Variants in ARAP3 observed in about 807,000 individuals in gnomAD.
ARAP3 encodes the protein ArfGAP with RhoGAP domain, ankyrin repeat and PH domain 3, also known as arf-GAP with Rho-GAP domain, ANK repeat and PH domain-containing protein 3.
Under a neutral mutation model 169.2 loss-of-function variants are expected in ARAP3, and 82 were observed. That is an observed-to-expected ratio of 0.48 (90% CI 0.41 to 0.58). ARAP3 has a LOEUF of 0.58. ARAP3 is among the 20% of genes least tolerant of loss of function. The probability of loss-of-function intolerance (pLI) is 0.00; values close to 1 mark genes in which losing one functional copy is unlikely to be tolerated. For missense variants in ARAP3, 1,764 were observed against 2,018.0 expected, an observed-to-expected ratio of 0.87 and a Z score of 2.41; for synonymous variants, 791 against 800.3, an observed-to-expected ratio of 0.99 and a Z score of 0.20.
At position 141,670,557 on chromosome 5, in the gene ARAP3, C is replaced by T. The variant is rs748326596; in HGVS notation, c.2062G>A (p.Val688Ile). Reference sequence around the variant, plus strand: ...GGTGAGGGTCCAGCTTTGTTGCTGACGGGACTGCAGTACAGGAAGCCGCTG... The same window carrying T: ...GGTGAGGGTCCAGCTTTGTTGCTGATGGGACTGCAGTACAGGAAGCCGCTG... ...TYSGFLYCSPVSNKAGPSPPR... is the reference protein window; with the variant it reads ...TYSGFLYCSPISNKAGPSPPR... The change falls in exon 14 of 33, where the codon GTC (valine) becomes ATC (isoleucine). Residue 688 changes from valine to isoleucine, a missense_variant. Around this residue, in one of 3 missense-constraint regions of ARAP3, gnomAD observed 1,112 missense variants for 1,285.7 expected, o/e 0.86. Coordinates refer to ENST00000239440, the MANE Select transcript of ARAP3 (RefSeq NM_022481.6). 1.3e-5 allele frequency: 21 copies of T among 1,613,906 alleles called. No homozygotes were observed. The highest frequency in any genetic ancestry group is 1.6e-4 in the Middle Eastern group (1 of 6,082).
At chr5:141,656,429 G>A (rs1288420726) in intron 27 of ARAP3, 75 bp downstream of exon 27, 3 of 1,580,872 alleles carry the variant, frequency 1.9e-6, no homozygotes, top group Non-Finnish European at 2.6e-6. Flanking sequence ...GGGCTGTGGA[G>A]TCAGAGGGTG....
chr5:141,657,007 G>C (rs1402788988), intron 25 of ARAP3, among the ~76,000 whole-genome samples, 161 bp from the exon 26 acceptor site: 3 of 152,178 alleles, frequency 2.0e-5, no homozygotes, highest in Non-Finnish European at 4.4e-5. Flanking sequence ...ATACGGTGGT[G>C]AGCATGATAC....
At chr5:141,654,560 G>T (rs1454798462) in intron 32 of ARAP3, 125 bp from the exon 33 acceptor site, 3 of 1,347,946 alleles carry the variant, frequency 2.2e-6, no homozygotes, top group Non-Finnish European at 3.0e-6. Context: ...TATGATTCTG[G>T]AACAACCCTG....
rs1286186002 is a variant in ARAP3 at position 141,667,431 on chromosome 5, CTTTCTTTTTTTTTTTTTTTGAAATGGAGT to C, written c.2353-817_2353-789del. ...CTGTCACTAACCAATAGTGTACTTT[CTTTCTTTTTTTTTTTTTTTGAAATGGAGT>C]TTTGCTCTTCTCTCCCAGGGTGGAG... is the stretch of plus-strand genomic sequence containing the variant. On this transcript the variant is annotated intron_variant, in intron 16 of 32. Coordinates refer to ENST00000239440, the MANE Select transcript of ARAP3 (RefSeq NM_022481.6). Among the ~76,000 whole-genome samples the C allele has an allele frequency of 1.0e-4, 15 of 144,626 alleles. No individual in the cohort carries two copies. The Admixed American group carries it at 1.1e-3, about 11-fold the overall frequency. The allele number at this position is 144,626 out of a possible 152,430, so 94.9% of individuals were successfully genotyped here.
chr5:141,674,178 G>A (rs2099911845), intron 4 of ARAP3, among the ~76,000 whole-genome samples: 1 of 152,046 alleles, frequency 6.6e-6, no homozygotes, highest in Non-Finnish European at 1.5e-5. Flanking sequence ...GGTCAGGCTG[G>A]TCTCGAACTC....
intron 17 of ARAP3, among the ~76,000 whole-genome samples, chr5:141,665,939 G>C (rs749856862): frequency 4.6e-5 from 7 of 151,014 alleles, no homozygotes; most frequent in Non-Finnish European, 8.8e-5. Flanking sequence ...GCTGAGGCAG[G>C]AGAATTGCTT....
chr5:141,680,845 A>C (rs1562431212), intron 1 of ARAP3: 1 of 288,378 alleles, frequency 3.5e-6, no homozygotes, highest in South Asian at 5.9e-5. Context: ...CAACTGAGTA[A>C]GCATGGGACA....
intron 27 of ARAP3, 61 bp downstream of exon 27, chr5:141,656,443 G>C: frequency 6.3e-7 from 1 of 1,586,284 alleles, no homozygotes. Context: ...GAGGGTGGGT[G>C]CAGTCATGGC....
chr5:141,657,467 C>T (rs2099909409), intron 25 of ARAP3, among the ~76,000 whole-genome samples: 1 of 152,180 alleles, frequency 6.6e-6, no homozygotes, highest in Non-Finnish European at 1.5e-5. Context: ...AGGGTTTTAA[C>T]CATAGGAAGG....
chr5:141,662,153 G>C lies in ARAP3; in HGVS notation c.2903C>G (p.Pro968Arg), dbSNP rs773702697. 1.9e-6 allele frequency: 3 copies of C among 1,614,060 alleles called. No homozygotes were observed. Among genetic ancestry groups the C allele is most frequent in the Admixed American group, 1.7e-5 (1 of 60,010 alleles). ...GACATCCTCCACAAAGTGCTCCCCT[G>C]GTCGGAGCTTCACCGACCGGGCATC... ...RRDARSVKLR[P>R]GEHFVEDVTD... Residue 968 changes from proline to arginine, a missense_variant, in exon 20 of 33, where the codon CCA (proline) becomes CGA (arginine). Pro to Arg is a moderately radical substitution (Grantham distance 103). This residue lies in a region of ARAP3 where 1,112 missense variants were observed against 1,285.7 expected (regional missense o/e 0.86). Coordinates refer to ENST00000239440, the MANE Select transcript of ARAP3 (RefSeq NM_022481.6).
In ARAP3 at chr5:141,673,733, G is replaced by A. The variant is rs779614351; in HGVS notation, c.774C>T (p.Leu258=). 6.2e-7 allele frequency: 1 copy of A among 1,614,232 alleles called. No homozygotes were observed. The highest frequency in any genetic ancestry group is 2.2e-5 in the East Asian group (1 of 44,876). Residue 258 remains leucine (L), a synonymous_variant, in exon 5 of 33, where the codon CTC becomes CTT. Transcript: ENST00000239440. The stretch of plus-strand genomic sequence containing the variant: ...CCTCTGTTTCCAGGGTGGGCGATAA[G>A]AGGGTGGAGTCTCCAGGTAGCTCAA... The part of the protein sequence containing the change: ...ASLELPGDST[L]LSPTLETEET...
Position 141,679,606 on chromosome 5 carries a change from T to A in ARAP3, c.637A>T (p.Thr213Ser). ...CLYYGVQPVG[T>S]PGAPDRRESR... Reference sequence around the variant, plus strand: ...TCTCTTCTGTCGGGGGCTCCTGGAGTCCCCACAGGTTGGACACCATAGTAC... The same window carrying A: ...TCTCTTCTGTCGGGGGCTCCTGGAGACCCCACAGGTTGGACACCATAGTAC... Residue 213 changes from threonine (T) to serine (S), a missense_variant, in exon 4 of 33, where the codon ACT (threonine) becomes TCT (serine). Thr to Ser is a moderately conservative substitution (Grantham distance 58). Coordinates refer to ENST00000239440, the MANE Select transcript of ARAP3 (RefSeq NM_022481.6). 1.2e-6 allele frequency: 2 copies of A among 1,613,678 alleles called. No individual in the cohort carries two copies. Among genetic ancestry groups the A allele is most frequent in the Non-Finnish European group, 1.7e-6 (2 of 1,179,920 alleles).
chr5:141,673,363 C>T (rs745800060), intron 6 of ARAP3, 38 bp downstream of exon 6: 1 of 1,613,084 alleles, frequency 6.2e-7, no homozygotes, highest in South Asian at 1.1e-5. Context: ...CCCTCCCTCT[C>T]CCTCATCTCC....
chr5:141,670,427 C>G (rs537974064), intron 14 of ARAP3, 85 bp downstream of exon 14: 2 of 1,398,452 alleles, frequency 1.4e-6, no homozygotes, highest in Non-Finnish European at 2.0e-6. Flanking sequence ...CCCATCCCAG[C>G]CCTCTCCTCT....
rs770501346 is a variant in ARAP3 at position 141,672,157 on chromosome 5, G to T, written c.1530C>A (p.Ser510=). ...ANRQCADCGS[S]RPDWAAVNLG... ...AATTGACAGCAGCCCAATCTGGGCG[G>T]GAGGACCCACAGTCCGCACACTGCC... The change falls in exon 10 of 33, where the codon TCC becomes TCA. Residue 510 remains serine (S), a synonymous_variant. Transcript: ENST00000239440. This position sits in a 1 kb window ranked among gnomAD's most constrained non-coding sequence, Gnocchi z 4.9. The T allele has an allele frequency of 1.9e-6, 3 of 1,614,026 alleles. No individual in the cohort carries two copies. In the African/African-American group the frequency reaches 4.0e-5, roughly 22 times the overall value.
Position 141,671,410 on chromosome 5 carries a change from G to T in ARAP3, c.1855-10C>A, listed in dbSNP as rs750350593. 4 of 1,604,576 alleles carry T rather than the reference G, an allele frequency of 2.5e-6. No homozygotes were observed. Among genetic ancestry groups the T allele is most frequent in the Non-Finnish European group, 2.6e-6 (3 of 1,175,002 alleles). On this transcript the variant is annotated splice_polypyrimidine_tract_variant and intron_variant, in intron 12 of 32. Transcript: ENST00000239440. The surrounding 1 kb of genome is among the most constrained non-coding windows in gnomAD (Gnocchi z 4.9). The stretch of plus-strand genomic sequence containing the variant: ...CAGCTGCACACAGTGCCTGCAGGGA[G>T]GGAAGGGCCTCTGTCAGCCCCAAAT...
intron 16 of ARAP3, 48 bp from the exon 17 acceptor site, chr5:141,666,691 C>A: frequency 4.9e-6 from 5 of 1,021,150 alleles, no homozygotes; most frequent in South Asian, 2.4e-5. Flanking sequence ...GGGGAAGAGA[C>A]AAGGAATAGG....
chr5:141,671,612 C>A lies in ARAP3; in HGVS notation c.1812G>T (p.Arg604=). 1 of 1,614,088 alleles carries A rather than the reference C, an allele frequency of 6.2e-7. No individual in the cohort carries two copies. Among genetic ancestry groups the A allele is most frequent in the Non-Finnish European group, 8.5e-7 (1 of 1,179,990 alleles). ...GATCTGGGTACTGAGGGTGGGGCTTCCGGAAGAGACCCAGACGGTACTTTC... is the reference window on the plus strand; with the variant it reads ...GATCTGGGTACTGAGGGTGGGGCTTACGGAAGAGACCCAGACGGTACTTTC... ...ISRKYRLGLF[R]KPHPQYPDHS... The change falls in exon 12 of 33, where the codon CGG becomes CGT. Residue 604 remains arginine, a synonymous_variant. Coordinates refer to ENST00000239440, the MANE Select transcript of ARAP3 (RefSeq NM_022481.6). This position sits in a 1 kb window ranked among gnomAD's most constrained non-coding sequence, Gnocchi z 4.9.
chr5:141,662,042 C>T lies in ARAP3; in HGVS notation c.3013+1G>A. 6.2e-7 allele frequency: 1 copy of T among 1,614,138 alleles called. No homozygotes were observed. The highest frequency in any genetic ancestry group is 2.2e-5 in the East Asian group (1 of 44,880). On this transcript the variant is annotated splice_donor_variant, in intron 20 of 32. Coordinates refer to ENST00000239440, the MANE Select transcript of ARAP3 (RefSeq NM_022481.6). LOFTEE classifies it high-confidence loss of function. The stretch of plus-strand genomic sequence containing the variant: ...TTGGCTCTCAGGGATCTTAGGAATA[C>T]CAGCAGCCTCCCTCCAGCGAGGCAG...
Sources: gnomAD v4.1 joint callset for allele counts (sites outside exome capture counted in the v4.1 genomes callset) on GRCh38, gnomAD v4.1.1 for gene constraint, gnomAD v4.1.1 regional missense constraint, Gnocchi (gnomAD v3.1) non-coding constraint, MANE v1.5 for transcripts, NCBI Gene and HGNC (gene_info 2026-07-23, HGNC 2026-07-21) for gene names.